The following FGF1 variants were observed in gnomAD, a reference collection of about 807,000 sequenced individuals.
FGF1 encodes the protein fibroblast growth factor 1.
In FGF1, 9 loss-of-function variants were observed where a neutral mutation model predicts 13.4. That is an observed-to-expected ratio of 0.67 (90% CI 0.40 to 1.17). The LOEUF is 1.17. Ranked by LOEUF, FGF1 falls within the 50% of genes most tolerant of loss-of-function variation. The pLI, the probability that FGF1 is intolerant of heterozygous loss-of-function variation, is 0.01. For synonymous variants in FGF1, 93 were observed against 79.0 expected, an observed-to-expected ratio of 1.18 and a Z score of -0.94; for missense variants, 156 against 192.7, an observed-to-expected ratio of 0.81 and a Z score of 1.13.
intron 1 of FGF1, among the ~76,000 whole-genome samples, chr5:142,658,170 A>T (rs149069644): frequency 2.2e-3 from 335 of 152,332 alleles, no homozygotes; most frequent in Middle Eastern, 6.8e-3. Flanking sequence ...TGCCCTAGTC[A>T]TATTCCCTTT....
chr5:142,634,056 G>C (rs542772072), intron 1 of FGF1, among the ~76,000 whole-genome samples: 1 of 151,948 alleles, frequency 6.6e-6, no homozygotes, highest in Admixed American at 6.5e-5. Flanking sequence ...AGCTGGACGT[G>C]GTGGCGGGCG....
chr5:142,629,526 G>A (rs971409072), intron 1 of FGF1, among the ~76,000 whole-genome samples: 17 of 152,084 alleles, frequency 1.1e-4, no homozygotes, highest in Non-Finnish European at 2.1e-4. Flanking sequence ...ATCTAATTGC[G>A]TTAGGCCCAG....
chr5:142,654,763 C>T (rs567001177), intron 1 of FGF1, among the ~76,000 whole-genome samples: 2 of 152,342 alleles, frequency 1.3e-5, no homozygotes, highest in African/African-American at 4.8e-5. Context: ...TTAGGGTTGG[C>T]TCCTTCCAGG....
chr5:142,636,899 T>C (rs1764340924), intron 1 of FGF1, among the ~76,000 whole-genome samples: 1 of 151,992 alleles, frequency 6.6e-6, no homozygotes, highest in Non-Finnish European at 1.5e-5. Context: ...TCTGAAGAAC[T>C]GTGGGAAACT....
intron 2 of FGF1, among the ~76,000 whole-genome samples, chr5:142,695,580 T>TA (rs1400696670): frequency 1.1e-5 from 1 of 90,624 alleles, no homozygotes; most frequent in Non-Finnish European, 1.8e-5. Flanking sequence ...AGACTCTGTA[T>TA]CAAAAAGAAA....
intron 3 of FGF1, 135 bp downstream of exon 3, chr5:142,600,567 G>A (rs1209164097): frequency 1.3e-5 from 9 of 690,336 alleles, no homozygotes; most frequent in Non-Finnish European, 2.4e-5. Flanking sequence ...AGCAGAGTGA[G>A]GGTGGGAATC....
At chr5:142,616,505 T>C (rs1021347100) in intron 1 of FGF1, among the ~76,000 whole-genome samples, 1 of 152,260 alleles carries the variant, frequency 6.6e-6, no homozygotes, top group Non-Finnish European at 1.5e-5. Context: ...ATTTTATTTA[T>C]GTCAATTTCA....
chr5:142,660,209 G>T (rs776639734), intron 1 of FGF1, among the ~76,000 whole-genome samples: 30 of 152,216 alleles, frequency 2.0e-4, no homozygotes, highest in Non-Finnish European at 3.7e-4. Context: ...TGTTAGTAAA[G>T]CTCTGTCCTT....
chr5:142,692,476 T>G (rs1752377388), intron 2 of FGF1, among the ~76,000 whole-genome samples: 1 of 151,922 alleles, frequency 6.6e-6, no homozygotes, highest in African/African-American at 2.4e-5. Flanking sequence ...GAGAACAGAG[T>G]GATCTCTCAG....
At chr5:142,620,932 T>A (rs1396166413) in intron 1 of FGF1, among the ~76,000 whole-genome samples, 1 of 152,198 alleles carries the variant, frequency 6.6e-6, no homozygotes, top group Non-Finnish European at 1.5e-5. Flanking sequence ...GTTCAGTTGG[T>A]GAAAATGCCC....
intron 1 of FGF1, among the ~76,000 whole-genome samples, chr5:142,652,426 T>TGGA (rs1208786945): frequency 1.3e-5 from 2 of 152,184 alleles, no homozygotes; most frequent in Non-Finnish European, 2.9e-5. Flanking sequence ...CCTTGGGTGA[T>TGGA]GGAGGCTCTG....
At chr5:142,667,625 A>G (rs530734679) in intron 1 of FGF1, among the ~76,000 whole-genome samples, 1 of 152,072 alleles carries the variant, frequency 6.6e-6, no homozygotes, top group African/African-American at 2.4e-5. Context: ...CAGCAAGGAA[A>G]AATCGCCGGC....
intron 1 of FGF1, among the ~76,000 whole-genome samples, chr5:142,639,274 GTCCATTTA>G (rs1323260159): frequency 1.3e-5 from 2 of 152,024 alleles, no homozygotes; most frequent in Non-Finnish European, 2.9e-5. Context: ...CAACCTAAGT[GTCCATTTA>G]CAGATGAAAT....
At chr5:142,620,413 G>T (rs569730225) in intron 1 of FGF1, among the ~76,000 whole-genome samples, 1 of 151,250 alleles carries the variant, frequency 6.6e-6, no homozygotes, top group Non-Finnish European at 1.5e-5. Context: ...GCAAGACTCC[G>T]TCTCAAAAAA....
At chr5:142,673,886 C>A (rs1447168083) in intron 1 of FGF1, among the ~76,000 whole-genome samples, 1 of 152,218 alleles carries the variant, frequency 6.6e-6, no homozygotes, top group Non-Finnish European at 1.5e-5. Context: ...AACAAAGCCC[C>A]AAACTTTTTG....
At chr5:142,663,878 G>C (rs1266652286) in intron 1 of FGF1, among the ~76,000 whole-genome samples, 1 of 152,200 alleles carries the variant, frequency 6.6e-6, no homozygotes. Flanking sequence ...GGAGAGATGA[G>C]AGAAGGCAAG....
chr5:142,646,205 G>A (rs192695611), intron 1 of FGF1, among the ~76,000 whole-genome samples: 1,762 of 122,344 alleles, frequency 0.014, 49 homozygotes, highest in African/African-American at 0.052. Context: ...CACCGCACCT[G>A]GCCTTTTTTT....
intron 1 of FGF1, among the ~76,000 whole-genome samples, chr5:142,623,119 C>T (rs1377356158): frequency 6.6e-6 from 1 of 151,898 alleles, no homozygotes; most frequent in Non-Finnish European, 1.5e-5. Flanking sequence ...TTTTTTTTCC[C>T]CTCTGATAGC....
Position 142,675,638 on chromosome 5 carries a change from G to A in FGF1, c.-35+10319C>T, listed in dbSNP as rs113731600. ...ATTTAACCTCCACCACCGTCCGTCCGCTGAGACAGGAGCTCTTACAGATAA... is the reference window on the plus strand; with the variant it reads ...ATTTAACCTCCACCACCGTCCGTCCACTGAGACAGGAGCTCTTACAGATAA... On this transcript the variant is annotated intron_variant, in intron 1 of 3. Transcript: ENST00000337706. Among the ~76,000 whole-genome samples the A allele has an allele frequency of 7.6e-3, 1,153 of 152,248 alleles. 14 individuals carry two copies. Among genetic ancestry groups the A allele is most frequent in the African/African-American group, 0.026 (1,073 of 41,524 alleles).
Sources: allele counts gnomAD v4.1 joint callset (sites outside exome capture counted in the v4.1 genomes callset), GRCh38; gene constraint gnomAD v4.1.1; transcripts MANE v1.5; gene names NCBI Gene and HGNC (gene_info 2026-07-23, HGNC 2026-07-21).